MCCC1: variants seen among roughly 807,000 people sequenced by gnomAD.
The protein encoded by MCCC1 is methylcrotonyl-CoA carboxylase subunit 1.
MCCC1 carries 64 observed loss-of-function variants against 83.8 expected under a neutral mutation model. The ratio of observed to expected loss-of-function variants is 0.76; its 90% confidence interval spans 0.62 to 0.94. The LOEUF (loss-of-function observed/expected upper bound fraction) is 0.94. Among genes scored for constraint, MCCC1 ranks in the 40% least tolerant of loss-of-function variants. MCCC1 has a pLI of 0.00. For synonymous variants in MCCC1, 322 were observed against 315.4 expected (o/e 1.02, Z -0.22); for missense variants, 807 against 904.7 (o/e 0.89, Z 1.39).
At chr3:183,054,330 C>T (rs1028885911) in intron 8 of MCCC1, among the ~76,000 whole-genome samples, 18 of 151,972 alleles carry the variant, frequency 1.2e-4, no homozygotes, top group East Asian at 9.7e-4. Flanking sequence ...GGACTACAGG[C>T]GCCTGCCACC....
intron 7 of MCCC1, among the ~76,000 whole-genome samples, chr3:183,065,238 C>A (rs1716165447): frequency 6.6e-6 from 1 of 152,046 alleles, no homozygotes; most frequent in African/African-American, 2.4e-5. Flanking sequence ...ATGAGGTTTC[C>A]CCTCTTGTCT....
At chr3:183,055,662 G>A (rs1009961031) in intron 8 of MCCC1, among the ~76,000 whole-genome samples, 6 of 152,126 alleles carry the variant, frequency 3.9e-5, no homozygotes, top group Non-Finnish European at 5.9e-5. Flanking sequence ...TTGGGAGGCT[G>A]AGGTTAAAGG....
intron 8 of MCCC1, among the ~76,000 whole-genome samples, chr3:183,053,306 T>C (rs1577298289): frequency 6.6e-6 from 1 of 151,616 alleles, no homozygotes; most frequent in Non-Finnish European, 1.5e-5. Context: ...TGGAGCAACA[T>C]GGCGAGACCC....
intron 3 of MCCC1, among the ~76,000 whole-genome samples, chr3:183,091,771 G>A (rs925691156): frequency 4.0e-5 from 6 of 151,818 alleles, no homozygotes; most frequent in South Asian, 4.2e-4. Flanking sequence ...GGCTAGGCAC[G>A]GTGGCTCACG....
At chr3:183,049,941 G>A (rs1025501105) in intron 9 of MCCC1, among the ~76,000 whole-genome samples, 9 of 152,018 alleles carry the variant, frequency 5.9e-5, no homozygotes. Context: ...CAATACAGGG[G>A]GACCCTGTCT....
intron 15 of MCCC1, among the ~76,000 whole-genome samples, chr3:183,024,111 A>G (rs1254918266): frequency 6.6e-6 from 1 of 151,996 alleles, no homozygotes; most frequent in Non-Finnish European, 1.5e-5. Context: ...TTACCCGGGC[A>G]TGGTGGTGCA....
chr3:183,034,418 C>T (rs1429138970), intron 13 of MCCC1, among the ~76,000 whole-genome samples: 2 of 133,860 alleles, frequency 1.5e-5, no homozygotes, highest in Non-Finnish European at 3.1e-5. Flanking sequence ...GCCACTGCAC[C>T]GGATCCAGCC....
upstream of MCCC1, among the ~76,000 whole-genome samples, chr3:183,101,298 G>A (rs1400421686): frequency 6.6e-6 from 1 of 152,284 alleles, no homozygotes; most frequent in Non-Finnish European, 1.5e-5. Context: ...CGGCGGCGCA[G>A]GACTGGCAGG....
rs1260785519 is a variant in MCCC1 at position 183,099,436 on chromosome 3, G to T, written c.5C>A (p.Ala2Glu). Residue 2 changes from alanine (A) to glutamate (E), a missense_variant, in exon 1 of 19, where the codon GCG becomes GAG. By Grantham distance (107) the Ala-to-Glu change is moderately radical. Coordinates refer to ENST00000265594, the MANE Select transcript of MCCC1 (RefSeq NM_020166.5). The part of the protein sequence containing the change: M[A>E]AASAVSVLLV... ...CAGCACCGACACCGCAGAGGCCGCCGCCATGTCCCTGGAGCCCGGCCACTC... is the reference window on the plus strand; with the variant it reads ...CAGCACCGACACCGCAGAGGCCGCCTCCATGTCCCTGGAGCCCGGCCACTC... 6.2e-7 allele frequency: 1 copy of T among 1,604,616 alleles called. No individual in the cohort carries two copies. Among genetic ancestry groups the T allele is most frequent in the Non-Finnish European group, 8.5e-7 (1 of 1,176,614 alleles).
chr3:183,097,054 C>A (rs1209114334), intron 1 of MCCC1, among the ~76,000 whole-genome samples: 2 of 152,296 alleles, frequency 1.3e-5, no homozygotes, highest in East Asian at 3.9e-4. Context: ...GACAGAGATC[C>A]CACTTAACTG....
chr3:183,099,375 G>A lies in MCCC1; in HGVS notation c.66C>T (p.Leu22=), dbSNP rs750778690. 37 of 1,602,758 alleles carry A rather than the reference G, an allele frequency of 2.3e-5. No homozygotes were observed. In the South Asian group the frequency reaches 3.3e-4, roughly 14 times the overall value. The change falls in exon 1 of 19, where the codon CTC becomes CTT. Residue 22 remains leucine, a synonymous_variant. Transcript: ENST00000265594. The part of the protein sequence containing the change: ...VAAERNRWHR[L]PSLLLPPRTW... ...ACCTCGGCGGCAGGAGCAGGCTCGG[G>A]AGACGATGCCACCGGTTCCTCTCCG...
intron 14 of MCCC1, among the ~76,000 whole-genome samples, chr3:183,026,188 G>A (rs775225014): frequency 1.3e-4 from 19 of 151,952 alleles, no homozygotes; most frequent in Non-Finnish European, 2.6e-4. Context: ...GACTACAGGC[G>A]TGCCACCACG....
chr3:183,047,598 C>T (rs1228330513), intron 9 of MCCC1, among the ~76,000 whole-genome samples: 1 of 149,032 alleles, frequency 6.7e-6, no homozygotes, highest in Non-Finnish European at 1.5e-5. Flanking sequence ...CATGCAAGAA[C>T]AGATAGATAA....
At chr3:183,059,304 G>A (rs1014989886) in intron 7 of MCCC1, among the ~76,000 whole-genome samples, 14 of 152,206 alleles carry the variant, frequency 9.2e-5, no homozygotes, top group South Asian at 6.2e-4. Context: ...GTGAAACTCC[G>A]TCTCAAAAAT....
chr3:183,021,901 A>G (rs761956883), intron 16 of MCCC1, among the ~76,000 whole-genome samples: 7 of 152,286 alleles, frequency 4.6e-5, no homozygotes, highest in Middle Eastern at 6.8e-3. Context: ...GCTTCTAACC[A>G]AAACCATGCA....
At chr3:183,041,990 A>C (rs1395256650) in intron 10 of MCCC1, among the ~76,000 whole-genome samples, 2 of 152,274 alleles carry the variant, frequency 1.3e-5, no homozygotes, top group African/African-American at 4.8e-5. Flanking sequence ...TGGCAAAAGC[A>C]GGCAAAGTGA....
chr3:183,049,110 T>G (rs1714762866), intron 9 of MCCC1, among the ~76,000 whole-genome samples: 1 of 152,210 alleles, frequency 6.6e-6, no homozygotes, highest in Non-Finnish European at 1.5e-5. Context: ...AGTGGGAAAT[T>G]TATAGCATTG....
At chr3:183,110,534 C>T (rs1041109998) in intron 1 of MCCC1, among the ~76,000 whole-genome samples, 3 of 151,690 alleles carry the variant, frequency 2.0e-5, no homozygotes, top group Admixed American at 1.3e-4. Context: ...GCTGGGACTA[C>T]AGGCGCCCGC....
chr3:183,044,320 T>C (rs944429124), intron 10 of MCCC1, among the ~76,000 whole-genome samples: 1 of 152,232 alleles, frequency 6.6e-6, no homozygotes, highest in Non-Finnish European at 1.5e-5. Flanking sequence ...TTATTAATAT[T>C]TGAGAAGTAT....
Sources: allele counts gnomAD v4.1 joint callset (sites outside exome capture counted in the v4.1 genomes callset), GRCh38; gene constraint gnomAD v4.1.1; transcripts MANE v1.5; gene names NCBI Gene and HGNC (gene_info 2026-07-23, HGNC 2026-07-21).